FRMD4A: variants seen among roughly 807,000 people sequenced by gnomAD.
FRMD4A encodes the protein FERM domain containing 4A, also known as FERM domain-containing protein 4A.
Under a neutral mutation model 129.1 loss-of-function variants are expected in FRMD4A, and 29 were observed. That is an observed-to-expected ratio of 0.22 (90% CI 0.17 to 0.31). The LOEUF is 0.31. FRMD4A is among the 10% of genes least tolerant of loss of function. The pLI is 1.00. For synonymous variants in FRMD4A, 634 were observed against 571.6 expected, an observed-to-expected ratio of 1.11 and a Z score of -1.56; for missense variants, 1,272 against 1,375.8, an observed-to-expected ratio of 0.92 and a Z score of 1.19.
chr10:14,293,616 T>C (rs1012218213), intron 2 of FRMD4A, among the ~76,000 whole-genome samples: 1 of 130,308 alleles, frequency 7.7e-6, no homozygotes, highest in Non-Finnish European at 1.7e-5. Context: ...TTGATGAAGA[T>C]AGAGAAAAAA....
intron 2 of FRMD4A, among the ~76,000 whole-genome samples, chr10:14,195,640 G>A (rs1263052239): frequency 1.3e-5 from 2 of 152,218 alleles, no homozygotes; most frequent in East Asian, 3.9e-4. Flanking sequence ...GTTGCAGGGG[G>A]AATCAAGCTG....
At chr10:14,076,354 A>T (rs3125587) in intron 2 of FRMD4A, among the ~76,000 whole-genome samples, 47,828 of 152,036 alleles carry the variant, frequency 0.31, 7,896 homozygotes, top group East Asian at 0.63. Flanking sequence ...TAAAATGTGG[A>T]TCATGGCCAG....
In FRMD4A at chr10:13,821,808, C is replaced by A. The variant is rs1010647589; in HGVS notation, c.112-10900G>T. ...GAGAGACCATCTGCCCAGCCCACTT[C>A]ATGACGGCAGCAGAAAGGAAAGCCT... On this transcript the variant is annotated intron_variant, in intron 3 of 24. Transcript: ENST00000357447. The surrounding 1 kb of genome is among the most constrained non-coding windows in gnomAD (Gnocchi z 4.3). 2.0e-5 allele frequency among the ~76,000 whole-genome samples: 3 copies of A among 152,174 alleles called. No individual in the cohort carries two copies. The highest frequency in any genetic ancestry group is 6.5e-5 in the Admixed American group (1 of 15,280).
chr10:14,329,117 G>C (rs769235748), intron 2 of FRMD4A, among the ~76,000 whole-genome samples: 12 of 152,212 alleles, frequency 7.9e-5, no homozygotes, highest in Admixed American at 7.9e-4. Context: ...AAACTCATCA[G>C]GCCTTGCAAA....
At chr10:13,866,497 A>G (rs1297011129) in intron 2 of FRMD4A, among the ~76,000 whole-genome samples, 1 of 152,208 alleles carries the variant, frequency 6.6e-6, no homozygotes, top group Non-Finnish European at 1.5e-5. Flanking sequence ...TCCTTCACAG[A>G]AAAGTGAAGA....
intron 2 of FRMD4A, among the ~76,000 whole-genome samples, chr10:14,123,317 T>A (rs185152991): frequency 6.6e-6 from 1 of 152,308 alleles, no homozygotes; most frequent in Non-Finnish European, 1.5e-5. Context: ...GGCTTGGCCA[T>A]CATTCCAGCT....
At chr10:13,786,039 G>A (rs1290910303) in intron 5 of FRMD4A, among the ~76,000 whole-genome samples, 1 of 152,176 alleles carries the variant, frequency 6.6e-6, no homozygotes. Context: ...CATTTGGGTT[G>A]GTTCCAAGTC....
chr10:14,075,042 AG>A (rs1003379063), intron 2 of FRMD4A, among the ~76,000 whole-genome samples: 5 of 152,238 alleles, frequency 3.3e-5, no homozygotes, highest in Non-Finnish European at 7.3e-5. Flanking sequence ...GAATTAAAAA[AG>A]CAAGCAAACT....
intron 2 of FRMD4A, among the ~76,000 whole-genome samples, chr10:14,272,563 G>A (rs189804540): frequency 2.5e-4 from 38 of 152,270 alleles, no homozygotes; most frequent in Admixed American, 1.8e-3. Context: ...TTTCCTAAAG[G>A]TAGGATCACT....
intron 2 of FRMD4A, among the ~76,000 whole-genome samples, chr10:14,154,810 T>C (rs1840517226): frequency 6.6e-6 from 1 of 152,226 alleles, no homozygotes; most frequent in African/African-American, 2.4e-5. Context: ...TCTGCAAACC[T>C]TGAACAATAC....
At chr10:13,850,106 C>T (rs555806644) in intron 3 of FRMD4A, among the ~76,000 whole-genome samples, 98 of 151,988 alleles carry the variant, frequency 6.4e-4, no homozygotes, top group African/African-American at 2.3e-3. Context: ...GAGGCTGAGG[C>T]AGGAGAATTG....
At chr10:13,734,840 CTATTTATTTATTTATT>C (rs140004557) in intron 12 of FRMD4A, among the ~76,000 whole-genome samples, 28,489 of 141,486 alleles carry the variant, frequency 0.2, 2,900 homozygotes, top group Middle Eastern at 0.29. Flanking sequence ...TCTTCTTTTT[CTATTTATTTATTTATT>C]TATTTATTTA....
chr10:13,782,162 T>C (rs1588692142), intron 6 of FRMD4A, among the ~76,000 whole-genome samples: 4 of 152,216 alleles, frequency 2.6e-5, no homozygotes, highest in Admixed American at 2.6e-4. Context: ...AAAGAAACTG[T>C]CTCAAAGTGA....
intron 2 of FRMD4A, among the ~76,000 whole-genome samples, chr10:13,942,589 G>C (rs1481821240): frequency 1.3e-5 from 2 of 152,146 alleles, no homozygotes; most frequent in African/African-American, 2.4e-5. Flanking sequence ...AGGATCTGTG[G>C]TATTGTGCAA....
intron 3 of FRMD4A, among the ~76,000 whole-genome samples, chr10:13,812,140 C>G (rs184442572): frequency 6.6e-6 from 1 of 152,150 alleles, no homozygotes; most frequent in Non-Finnish European, 1.5e-5. Flanking sequence ...CTCGGCCTCC[C>G]AGTGTTGGGA....
intron 2 of FRMD4A, among the ~76,000 whole-genome samples, chr10:14,227,374 C>G (rs1168538269): frequency 6.6e-6 from 1 of 150,782 alleles, no homozygotes; most frequent in Non-Finnish European, 1.5e-5. Context: ...GCCTCAGCAT[C>G]CTGAGTAGCT....
At chr10:14,021,329 C>T (rs1292250157) in intron 2 of FRMD4A, among the ~76,000 whole-genome samples, 1 of 151,714 alleles carries the variant, frequency 6.6e-6, no homozygotes, top group African/African-American at 2.4e-5. Context: ...TTTGCTTGAA[C>T]CCAGACATTC....
At chr10:13,786,500 G>A (rs566421002) in intron 5 of FRMD4A, among the ~76,000 whole-genome samples, 4 of 152,264 alleles carry the variant, frequency 2.6e-5, no homozygotes, top group Admixed American at 2.0e-4. Context: ...CAGCTACTTG[G>A]GAGGCTGAGG....
intron 2 of FRMD4A, among the ~76,000 whole-genome samples, chr10:14,167,214 A>T (rs887210799): frequency 6.6e-6 from 1 of 152,166 alleles, no homozygotes; most frequent in African/African-American, 2.4e-5. Context: ...TACGTCATAT[A>T]TATGCCAATA....
Sources: allele counts gnomAD v4.1 joint callset (sites outside exome capture counted in the v4.1 genomes callset), GRCh38; gene constraint gnomAD v4.1.1; non-coding constraint Gnocchi (gnomAD v3.1); transcripts MANE v1.5; gene names NCBI Gene and HGNC (gene_info 2026-07-23, HGNC 2026-07-21).